Variants in SLC25A37 observed in about 807,000 individuals in gnomAD.
SLC25A37 encodes mitoferrin-1.
In SLC25A37, 17 loss-of-function variants were observed where a neutral mutation model predicts 31.0. That is an observed-to-expected ratio of 0.55 (90% confidence interval 0.38 to 0.82). The LOEUF (loss-of-function observed/expected upper bound fraction) is 0.82, where lower values mean the gene tolerates loss of function less well. Ranked by LOEUF, SLC25A37 falls within the 40% of genes least tolerant of loss-of-function variation. The pLI, the probability that SLC25A37 is intolerant of heterozygous loss-of-function variation, is 0.00. For missense variants in SLC25A37, 404 were observed against 465.8 expected, an observed-to-expected ratio of 0.87 and a Z score of 1.22; for synonymous variants, 222 against 193.0, an observed-to-expected ratio of 1.15 and a Z score of -1.24.
At chr8:23,568,597 A>G (rs1014854025) in intron 3 of SLC25A37, 2 of 572,662 alleles carry the variant, frequency 3.5e-6, no homozygotes, top group African/African-American at 1.9e-5. Context: ...AGCTACTCAA[A>G]GTGTGTTCTA....
At chr8:23,571,272 G>A in intron 3 of SLC25A37, 63 bp from the exon 4 acceptor site, 1 of 1,464,428 alleles carries the variant, frequency 6.8e-7, no homozygotes, top group South Asian at 1.4e-5. Flanking sequence ...CCTGGGGTGG[G>A]GCCACATCCA....
chr8:23,559,355 G>A (rs558404471), intron 1 of SLC25A37, among the ~76,000 whole-genome samples: 7 of 151,486 alleles, frequency 4.6e-5, no homozygotes, highest in South Asian at 2.1e-4. Context: ...GTGTGTGTGC[G>A]TGTGTGTGCG....
Position 23,529,244 on chromosome 8 carries a change from G to T in SLC25A37, c.210+32G>T. 6.3e-7 allele frequency: 1 copy of T among 1,585,762 alleles called. No homozygotes were observed. Among genetic ancestry groups the T allele is most frequent in the Non-Finnish European group, 8.6e-7 (1 of 1,166,778 alleles). ...CGCGGGGAGACTTCGGGGACGCAAC[G>T]AGCGGAGAAGGAGCGCGCGCGCGCA... On this transcript the variant is annotated intron_variant, in intron 1 of 3. Transcript: ENST00000519973. This position sits in a 1 kb window ranked among gnomAD's most constrained non-coding sequence, Gnocchi z 4.1.
intron 1 of SLC25A37, among the ~76,000 whole-genome samples, chr8:23,558,057 A>G (rs1262044630): frequency 1.3e-5 from 2 of 152,184 alleles, no homozygotes; most frequent in Non-Finnish European, 2.9e-5. Context: ...GGCTCAAGGT[A>G]GGTGTAAGGC....
Position 23,573,972 on chromosome 8 carries a change from G to A in SLC25A37, c.*2117G>A, listed in dbSNP as rs1173933942. On this transcript the variant is annotated 3_prime_UTR_variant, in exon 4 of 4. Coordinates refer to ENST00000519973, the MANE Select transcript of SLC25A37 (RefSeq NM_016612.4). ...ATGGTGTTAAATTCTGCAAATGGAGGGGAAAAAAATCAAATTCTAAATTTC... is the reference window on the plus strand; with the variant it reads ...ATGGTGTTAAATTCTGCAAATGGAGAGGAAAAAAATCAAATTCTAAATTTC... The A allele has an allele frequency of 3.5e-5, 12 of 342,664 alleles. No individual in the cohort carries two copies. The highest frequency in any genetic ancestry group is 8.4e-5 in the East Asian group (1 of 11,886). 21.2% of individuals were successfully genotyped at this position (342,664 alleles called of 1,614,324 possible).
chr8:23,535,296 A>G (rs1801743787), intron 1 of SLC25A37, among the ~76,000 whole-genome samples: 1 of 152,098 alleles, frequency 6.6e-6, no homozygotes, highest in South Asian at 2.1e-4. Context: ...AGCTGCTTGC[A>G]TCCTTCACGA....
At chr8:23,532,747 T>C (rs911749322) in intron 1 of SLC25A37, among the ~76,000 whole-genome samples, 8 of 152,304 alleles carry the variant, frequency 5.3e-5, no homozygotes, top group African/African-American at 1.7e-4. Flanking sequence ...TGGCTGACCT[T>C]ATGGTGTGCA....
rs78615782 is a variant in SLC25A37 at position 23,554,799 on chromosome 8, G to A, written c.211-11309G>A. ...AAGCAGCTGTAGCTTTGGAGAGAGC[G>A]ACCAGCCTGTCCAGGGGCCTGGTAG... is the stretch of plus-strand genomic sequence containing the variant. On this transcript the variant is annotated intron_variant, in intron 1 of 3. Transcript: ENST00000519973. 4.1e-3 allele frequency among the ~76,000 whole-genome samples: 630 copies of A among 152,292 alleles called. 2 individuals carry two copies. Among genetic ancestry groups the A allele is most frequent in the Non-Finnish European group, 7.2e-3 (489 of 68,024 alleles).
intron 1 of SLC25A37, among the ~76,000 whole-genome samples, chr8:23,553,085 G>A (rs1057034804): frequency 7.2e-5 from 11 of 152,168 alleles, no homozygotes; most frequent in African/African-American, 2.7e-4. Flanking sequence ...GTTCTTCTGC[G>A]CAGCTTTGTG....
chr8:23,538,037 G>A (rs1801806027), intron 1 of SLC25A37, among the ~76,000 whole-genome samples: 1 of 150,594 alleles, frequency 6.6e-6, no homozygotes, highest in South Asian at 2.1e-4. Flanking sequence ...ATGAAGGAAG[G>A]CACGGCTTTT....
chr8:23,536,107 C>T (rs927319519), intron 1 of SLC25A37, among the ~76,000 whole-genome samples: 2 of 152,010 alleles, frequency 1.3e-5, no homozygotes, highest in Non-Finnish European at 2.9e-5. Context: ...CATTTTTGTC[C>T]CCTCACTCTT....
chr8:23,565,969 A>T, intron 1 of SLC25A37, 139 bp from the exon 2 acceptor site: 1 of 1,258,794 alleles, frequency 7.9e-7, no homozygotes, highest in African/African-American at 1.6e-5. Context: ...TTTTGATTTC[A>T]AATATGTTTC....
At chr8:23,570,258 T>C (rs1405394768) in intron 3 of SLC25A37, among the ~76,000 whole-genome samples, 1 of 152,188 alleles carries the variant, frequency 6.6e-6, no homozygotes, top group African/African-American at 2.4e-5. Context: ...GAAAGACAGC[T>C]CATGTTCTGT....
chr8:23,558,975 C>T (rs921576059), intron 1 of SLC25A37, among the ~76,000 whole-genome samples: 3 of 152,200 alleles, frequency 2.0e-5, no homozygotes, highest in African/African-American at 7.2e-5. Flanking sequence ...TTCTGACTCT[C>T]TCTGACACCT....
intron 2 of SLC25A37, chr8:23,566,816 C>A: frequency 1.0e-6 from 1 of 986,166 alleles, no homozygotes; most frequent in Non-Finnish European, 1.2e-6. Context: ...TTTAAAAGGT[C>A]AAGAAGTTTT....
At chr8:23,566,460 C>T (rs1448453201) in intron 2 of SLC25A37, 124 bp downstream of exon 2, 2 of 1,480,782 alleles carry the variant, frequency 1.4e-6, no homozygotes, top group African/African-American at 1.4e-5. Context: ...ATAAAGAACT[C>T]AGAGTTGTGT....
intron 1 of SLC25A37, 78 bp from the exon 2 acceptor site, chr8:23,566,027 CCTT>C (rs1585201979): frequency 6.8e-7 from 1 of 1,475,724 alleles, no homozygotes; most frequent in East Asian, 2.6e-5. Context: ...TTCTCTCTCT[CCTT>C]CTCCAGGTCT....
At chr8:23,568,633 A>G (rs771202580) in intron 3 of SLC25A37, 26 of 500,840 alleles carry the variant, frequency 5.2e-5, no homozygotes, top group Non-Finnish European at 8.4e-5. Flanking sequence ...AGACATCTTG[A>G]GGGGTGTTGG....
chr8:23,562,147 C>T (rs1279288191), intron 1 of SLC25A37, among the ~76,000 whole-genome samples: 1 of 152,220 alleles, frequency 6.6e-6, no homozygotes, highest in Non-Finnish European at 1.5e-5. Flanking sequence ...AGCCAGGGCT[C>T]ATCCCCAAGA....
Sources: allele counts gnomAD v4.1 joint callset (sites outside exome capture counted in the v4.1 genomes callset), GRCh38; gene constraint gnomAD v4.1.1; non-coding constraint Gnocchi (gnomAD v3.1); transcripts MANE v1.5; gene names NCBI Gene and HGNC (gene_info 2026-07-23, HGNC 2026-07-21).